DPYD: variants seen among roughly 807,000 people sequenced by gnomAD.
The protein encoded by DPYD is dihydropyrimidine dehydrogenase [NADP(+)].
Under a neutral mutation model 116.2 loss-of-function variants are expected in DPYD, and 109 were observed. That is an observed-to-expected ratio of 0.94 (90% CI 0.80 to 1.10). The LOEUF (loss-of-function observed/expected upper bound fraction) is 1.10, where lower values mean the gene tolerates loss of function less well. DPYD is among the 50% of genes least tolerant of loss of function. The pLI, the probability that DPYD is intolerant of heterozygous loss-of-function variation, is 0.00. For synonymous variants in DPYD, 440 were observed against 432.0 expected (o/e 1.02, Z -0.23); for missense variants, 1,302 against 1,254.5 (o/e 1.04, Z -0.57).
chr1:97,090,069 C>T (rs1557856783), intron 21 of DPYD, among the ~76,000 whole-genome samples: 1 of 152,038 alleles, frequency 6.6e-6, no homozygotes, highest in Admixed American at 6.6e-5. Context: ...CTTCTCAGTT[C>T]TGTGCTTTCT....
At chr1:97,407,570 G>A (rs1673735970) in intron 14 of DPYD, among the ~76,000 whole-genome samples, 1 of 152,048 alleles carries the variant, frequency 6.6e-6, no homozygotes, top group South Asian at 2.1e-4. Flanking sequence ...ATAGAATGGT[G>A]GAATGGCCTT....
At chr1:97,804,907 C>T (rs903591027) in intron 3 of DPYD, among the ~76,000 whole-genome samples, 2 of 151,822 alleles carry the variant, frequency 1.3e-5, no homozygotes, top group Non-Finnish European at 2.9e-5. Flanking sequence ...ATTTCATTTA[C>T]ATATGAGGTA....
At chr1:97,550,083 T>A (rs755867724) in intron 11 of DPYD, among the ~76,000 whole-genome samples, 2 of 152,200 alleles carry the variant, frequency 1.3e-5, no homozygotes, top group Non-Finnish European at 2.9e-5. Context: ...AAAACTTTAT[T>A]CATAGCCATC....
intron 19 of DPYD, among the ~76,000 whole-genome samples, chr1:97,220,244 GAGAA>G (rs1557948304): frequency 6.6e-6 from 1 of 151,930 alleles, no homozygotes; most frequent in Non-Finnish European, 1.5e-5. Context: ...TTTATACGAA[GAGAA>G]AGAAAGACCT....
intron 13 of DPYD, among the ~76,000 whole-genome samples, chr1:97,502,481 A>G (rs1016758931): frequency 6.6e-6 from 1 of 151,976 alleles, no homozygotes; most frequent in African/African-American, 2.4e-5. Flanking sequence ...GTTTGCTGAC[A>G]TGATTTGTAC....
At chr1:97,715,135 C>A (rs1050514711) in intron 5 of DPYD, among the ~76,000 whole-genome samples, 1 of 152,014 alleles carries the variant, frequency 6.6e-6, no homozygotes, top group Admixed American at 6.6e-5. Context: ...CACTTTGATT[C>A]TTAGTTTCCT....
chr1:97,897,011 T>G (rs1673106307), intron 1 of DPYD, among the ~76,000 whole-genome samples: 1 of 151,946 alleles, frequency 6.6e-6, no homozygotes, highest in Non-Finnish European at 1.5e-5. Context: ...TAATCCTTGG[T>G]GCAAACCCCT....
At chr1:97,202,846 C>A (rs1005313396) in intron 19 of DPYD, among the ~76,000 whole-genome samples, 1 of 152,154 alleles carries the variant, frequency 6.6e-6, no homozygotes, top group Admixed American at 6.6e-5. Flanking sequence ...CCTCTGTCTG[C>A]CTTTTATGTG....
In DPYD at chr1:97,393,424, C is replaced by T. The variant is rs1672826337; in HGVS notation, c.1906-10963G>A. On this transcript the variant is annotated intron_variant, in intron 14 of 22. Transcript: ENST00000370192. ...TCGTCATTTACATTAGGTATATCTC[C>T]TAATGCTATCCCTCCCCACTCCCCC... is the stretch of plus-strand genomic sequence containing the variant. Among the ~76,000 whole-genome samples the T allele has an allele frequency of 5.3e-5, 8 of 151,918 alleles. No homozygotes were observed. In the South Asian group the frequency reaches 1.7e-3, roughly 31 times the overall value.
chr1:97,197,054 T>C (rs1228759891), intron 19 of DPYD, among the ~76,000 whole-genome samples: 1 of 152,174 alleles, frequency 6.6e-6, no homozygotes, highest in Non-Finnish European at 1.5e-5. Context: ...CATTTTCTAT[T>C]CTGAAGTGCT....
chr1:97,211,607 T>A (rs965545239), intron 19 of DPYD, among the ~76,000 whole-genome samples: 1 of 152,176 alleles, frequency 6.6e-6, no homozygotes, highest in Non-Finnish European at 1.5e-5. Context: ...TCTTAAATAA[T>A]ATACAGTTTT....
chr1:97,701,080 G>A (rs968919355), intron 5 of DPYD, among the ~76,000 whole-genome samples: 3 of 150,216 alleles, frequency 2.0e-5, no homozygotes, highest in Non-Finnish European at 3.0e-5. Context: ...AAAGACAAAA[G>A]TTATGGAAGA....
chr1:97,449,348 G>A, intron 14 of DPYD, among the ~76,000 whole-genome samples: 1 of 152,000 alleles, frequency 6.6e-6, no homozygotes, highest in East Asian at 1.9e-4. Context: ...GAAAGAGACA[G>A]AGAATTGAGG....
intron 14 of DPYD, among the ~76,000 whole-genome samples, chr1:97,428,024 G>C (rs1674970253): frequency 6.6e-6 from 1 of 152,034 alleles, no homozygotes; most frequent in Non-Finnish European, 1.5e-5. Flanking sequence ...AAATATAAAA[G>C]CTTTTTCTTC....
At chr1:97,358,368 G>C (rs1316338080) in intron 16 of DPYD, among the ~76,000 whole-genome samples, 2 of 152,186 alleles carry the variant, frequency 1.3e-5, no homozygotes, top group African/African-American at 4.8e-5. Flanking sequence ...CCACCTCTGG[G>C]GGCAGGGCAT....
At chr1:97,773,482 C>T (rs1557949973) in intron 3 of DPYD, among the ~76,000 whole-genome samples, 1 of 152,178 alleles carries the variant, frequency 6.6e-6, no homozygotes, top group South Asian at 2.1e-4. Context: ...AACAGCACTC[C>T]TATTTTCACG....
intron 3 of DPYD, among the ~76,000 whole-genome samples, chr1:97,782,897 C>A (rs1380774305): frequency 6.6e-6 from 1 of 152,058 alleles, no homozygotes; most frequent in Non-Finnish European, 1.5e-5. Flanking sequence ...CAGGGTGATA[C>A]CATGGTTCAC....
chr1:97,768,695 A>C (rs771355507), intron 3 of DPYD, among the ~76,000 whole-genome samples: 2 of 152,152 alleles, frequency 1.3e-5, no homozygotes, highest in African/African-American at 2.4e-5. Flanking sequence ...TGCTGTGGCT[A>C]AAAACTGATT....
chr1:97,715,196 G>GT (rs1662544828), intron 5 of DPYD, among the ~76,000 whole-genome samples: 1 of 151,996 alleles, frequency 6.6e-6, no homozygotes, highest in Non-Finnish European at 1.5e-5. Flanking sequence ...CTCAAGCGTT[G>GT]TTTATCAGCA....
Sources: allele counts gnomAD v4.1 joint callset (sites outside exome capture counted in the v4.1 genomes callset), GRCh38; gene constraint gnomAD v4.1.1; transcripts MANE v1.5; gene names NCBI Gene and HGNC (gene_info 2026-07-23, HGNC 2026-07-21).